NEDD4L: variants seen among roughly 807,000 people sequenced by gnomAD.
The protein encoded by NEDD4L is NEDD4 like E3 ubiquitin protein ligase.
In NEDD4L, 54 loss-of-function variants were observed where a neutral mutation model predicts 148.9. The ratio of observed to expected loss-of-function variants is 0.36; its 90% CI spans 0.29 to 0.45. The LOEUF (loss-of-function observed/expected upper bound fraction) is 0.45, where lower values mean the gene tolerates loss of function less well. NEDD4L is among the 20% of genes least tolerant of loss of function. The probability of loss-of-function intolerance (pLI) is 1.00; values close to 1 mark genes in which losing one functional copy is unlikely to be tolerated. For synonymous variants in NEDD4L, 433 were observed against 440.7 expected (o/e 0.98, Z 0.22); for missense variants, 856 against 1,233.8 (o/e 0.69, Z 4.59).
intron 1 of NEDD4L, among the ~76,000 whole-genome samples, chr18:58,142,611 A>C (rs1193420821): frequency 6.6e-6 from 1 of 152,108 alleles, no homozygotes; most frequent in South Asian, 2.1e-4. Context: ...CTTACCTTGC[A>C]CTCTGTTTTG....
Position 58,333,849 on chromosome 18 carries a change from G to A in NEDD4L, c.1022G>A (p.Cys341Tyr). ...QREPSSRLRS[C>Y]SVTDAVAEQG... is the part of the protein sequence containing the mutation. Reference sequence around the variant, plus strand: ...GAACCCTCCTCAAGGTTGAGGTCATGCAGTGTCACCGACGCAGTTGCAGAA... The same window carrying A: ...GAACCCTCCTCAAGGTTGAGGTCATACAGTGTCACCGACGCAGTTGCAGAA... Residue 341 changes from cysteine to tyrosine, a missense_variant, in exon 12 of 31, where the codon TGC becomes TAC. Transcript: ENST00000400345. The A allele has an allele frequency of 6.2e-7, 1 of 1,613,814 alleles. No homozygotes were observed. Among genetic ancestry groups the A allele is most frequent in the African/African-American group, 1.3e-5 (1 of 75,018 alleles).
chr18:58,339,243 T>C (rs958718903), intron 13 of NEDD4L, among the ~76,000 whole-genome samples: 1 of 152,106 alleles, frequency 6.6e-6, no homozygotes, highest in Non-Finnish European at 1.5e-5. Flanking sequence ...CATTTAGTAT[T>C]TCATTGATTG....
chr18:58,373,106 A>T, intron 23 of NEDD4L, 68 bp from the exon 24 acceptor site: 2 of 809,740 alleles, frequency 2.5e-6, no homozygotes, highest in Middle Eastern at 2.2e-4. Context: ...GAATGTAATT[A>T]AAGAAGTCAA....
chr18:58,381,571 A>C (rs564425555), intron 24 of NEDD4L, among the ~76,000 whole-genome samples: 1 of 152,228 alleles, frequency 6.6e-6, no homozygotes, highest in African/African-American at 2.4e-5. Context: ...ATTCGGCTTG[A>C]GTGTAGCCGA....
intron 1 of NEDD4L, among the ~76,000 whole-genome samples, chr18:58,089,006 G>C (rs2083912250): frequency 6.6e-6 from 1 of 151,964 alleles, no homozygotes; most frequent in African/African-American, 2.4e-5. Context: ...CTCGCCTACA[G>C]CTTCCAACCT....
In NEDD4L at chr18:58,400,616, G is replaced by A. The variant is rs1036230077; in HGVS notation, c.*4347G>A. On this transcript the variant is annotated 3_prime_UTR_variant, in exon 31 of 31. Transcript: ENST00000400345. ...GTTTGTTAAAGATGTTCCACTGAAA[G>A]CAACGCATGTTTCAAAGGCACGTCT... 1 of 152,314 alleles carries A rather than the reference G, an allele frequency of 6.6e-6. No individual in the cohort carries two copies. The highest frequency in any genetic ancestry group is 1.9e-4 in the East Asian group (1 of 5,184). 9.4% of individuals were successfully genotyped at this position (152,314 alleles called of 1,614,324 possible).
At chr18:58,144,735 C>T (rs906909005) in intron 1 of NEDD4L, among the ~76,000 whole-genome samples, 5 of 152,112 alleles carry the variant, frequency 3.3e-5, no homozygotes, top group African/African-American at 7.2e-5. Context: ...TCGCGTGTAC[C>T]GCACAGTTCA....
intron 1 of NEDD4L, chr18:58,045,108 G>A (rs60833213): frequency 0.095 from 37,976 of 399,232 alleles, 1,935 homozygotes; most frequent in East Asian, 0.13. Context: ...TCTGGGTCGC[G>A]CGGCTGGAGA....
intron 18 of NEDD4L, among the ~76,000 whole-genome samples, chr18:58,353,212 C>T (rs2044148393): frequency 6.6e-6 from 1 of 152,192 alleles, no homozygotes; most frequent in Non-Finnish European, 1.5e-5. Context: ...CTGCTAGATG[C>T]CTGGGCTTTT....
chr18:58,387,163 T>G (rs973225919), intron 26 of NEDD4L, among the ~76,000 whole-genome samples: 1 of 152,242 alleles, frequency 6.6e-6, no homozygotes, highest in African/African-American at 2.4e-5. Context: ...AAATGGCTTT[T>G]GGAATCCACC....
chr18:58,158,984 A>G (rs1310768010), intron 1 of NEDD4L, among the ~76,000 whole-genome samples: 1 of 152,160 alleles, frequency 6.6e-6, no homozygotes, highest in African/African-American at 2.4e-5. Context: ...TGCATTGAAC[A>G]TAGTATCATT....
At chr18:58,354,950 T>G (rs1354966561) in intron 18 of NEDD4L, among the ~76,000 whole-genome samples, 1 of 152,194 alleles carries the variant, frequency 6.6e-6, no homozygotes, top group Non-Finnish European at 1.5e-5. Flanking sequence ...TATGTGCAGA[T>G]GCTGCCACGT....
At chr18:58,238,638 A>G (rs2046293313) in intron 2 of NEDD4L, among the ~76,000 whole-genome samples, 1 of 152,134 alleles carries the variant, frequency 6.6e-6, no homozygotes, top group Non-Finnish European at 1.5e-5. Flanking sequence ...TTCTTATTAT[A>G]TATGATGCTG....
chr18:58,250,297 G>A (rs755124911), intron 4 of NEDD4L, among the ~76,000 whole-genome samples: 4 of 151,962 alleles, frequency 2.6e-5, no homozygotes, highest in South Asian at 2.1e-4. Flanking sequence ...CTATAGGCCC[G>A]TACCACCACG....
intron 1 of NEDD4L, among the ~76,000 whole-genome samples, chr18:58,088,511 C>T (rs1309668271): frequency 1.3e-5 from 2 of 152,154 alleles, no homozygotes; most frequent in African/African-American, 4.8e-5. Context: ...CCTTGGGCCT[C>T]TATATACAAA....
chr18:58,344,089 A>G (rs542812685), intron 16 of NEDD4L, among the ~76,000 whole-genome samples: 1 of 152,296 alleles, frequency 6.6e-6, no homozygotes, highest in South Asian at 2.1e-4. Flanking sequence ...GGTGATTGTT[A>G]TTGGCCCTAG....
chr18:58,221,851 T>C, intron 2 of NEDD4L: 1 of 426,694 alleles, frequency 2.3e-6, no homozygotes, highest in Non-Finnish European at 3.1e-6. Context: ...TGTTTTTATG[T>C]CAGCGGCATA....
At chr18:58,335,597 C>T (rs560611528) in intron 13 of NEDD4L, 60 bp downstream of exon 13, 49 of 1,251,918 alleles carry the variant, frequency 3.9e-5, no homozygotes, top group South Asian at 6.0e-5. Flanking sequence ...TTTAATATTT[C>T]GTGTAGTGGT....
chr18:58,338,568 T>C (rs17808061), intron 13 of NEDD4L, among the ~76,000 whole-genome samples: 6,344 of 152,334 alleles, frequency 0.042, 220 homozygotes, highest in Non-Finnish European at 0.065. Context: ...CGTTCTGTAC[T>C]ACACTCCTAA....
Sources: allele counts gnomAD v4.1 joint callset (sites outside exome capture counted in the v4.1 genomes callset), GRCh38; gene constraint gnomAD v4.1.1; transcripts MANE v1.5; gene names NCBI Gene and HGNC (gene_info 2026-07-23, HGNC 2026-07-21).